TCF7L2: variants seen among roughly 807,000 people sequenced by gnomAD.
TCF7L2 encodes the protein transcription factor 7-like 2.
A neutral mutation model predicts 77.9 loss-of-function variants in TCF7L2; 23 were observed. The observed-to-expected ratio is 0.30, with a 90% CI of 0.21 to 0.42. The LOEUF is 0.42. Ranked by LOEUF, TCF7L2 falls within the 10% of genes least tolerant of loss-of-function variation. The pLI, the probability that TCF7L2 is intolerant of heterozygous loss-of-function variation, is 1.00. For missense variants in TCF7L2, 654 were observed against 793.1 expected (o/e 0.82, Z 2.11); for synonymous variants, 413 against 340.2 (o/e 1.21, Z -2.36).
At chr10:113,162,776 T>G (rs930302324) in intron 13 of TCF7L2, among the ~76,000 whole-genome samples, 25 of 152,254 alleles carry the variant, frequency 1.6e-4, no homozygotes, top group African/African-American at 5.8e-4. Context: ...ATTTCTGCTG[T>G]CTTTGAAGGA....
At position 113,108,200 on chromosome 10, in the gene TCF7L2, C is replaced by T. The variant is rs530334992; in HGVS notation, c.553-32984C>T. 5.3e-5 allele frequency among the ~76,000 whole-genome samples: 8 copies of T among 152,244 alleles called. No homozygotes were observed. The South Asian group carries it at 1.7e-3, about 32-fold the overall frequency. On this transcript the variant is annotated intron_variant, in intron 5 of 13. Transcript: ENST00000627217. Reference sequence around the variant, plus strand: ...CAGGAACCATGTTTGCACAGTGATCCTTAAACACAATGTGGACCCCCCCAC... The same window carrying T: ...CAGGAACCATGTTTGCACAGTGATCTTTAAACACAATGTGGACCCCCCCAC...
chr10:113,091,598 TC>T (rs1484866061), intron 5 of TCF7L2, among the ~76,000 whole-genome samples: 8 of 152,192 alleles, frequency 5.3e-5, no homozygotes, highest in African/African-American at 1.7e-4. Flanking sequence ...GTGCCCGTAC[TC>T]CCAGCTACTC....
In TCF7L2 at chr10:113,128,732, C is replaced by T. The variant is rs117482894; in HGVS notation, c.553-12452C>T. On this transcript the variant is annotated intron_variant, in intron 5 of 13. Transcript: ENST00000627217. The stretch of plus-strand genomic sequence containing the variant: ...CCTGCAACTTTTTCTGTCTGTAATC[C>T]CTCCATGAGCAGCCACCCTCCCACA... Among the ~76,000 whole-genome samples the T allele has an allele frequency of 5.9e-4, 90 of 152,106 alleles. No homozygotes were observed. The Middle Eastern group carries it at 0.01, about 17-fold the overall frequency.
In TCF7L2 at chr10:112,950,616, A is replaced by T; in HGVS notation, c.-141A>T. The T allele has an allele frequency of 3.6e-6, 2 of 555,378 alleles. No homozygotes were observed. The highest frequency in any genetic ancestry group is 5.0e-6 in the Non-Finnish European group (2 of 397,374). The allele number at this position is 555,378 out of a possible 1,614,324, so 34.4% of individuals were successfully genotyped here. A position where few individuals can be genotyped will look rare whatever the true frequency, so the allele number is the denominator to read the frequency against. ...CCCTCCCCAGGAGAAAAAGACCCCC[A>T]AGCAGAAAAAAGTTCACCTTGGACT... On this transcript the variant is annotated 5_prime_UTR_variant, in exon 1 of 14. Coordinates refer to ENST00000627217, the MANE Select transcript of TCF7L2 (RefSeq NM_001146274.2).
At chr10:113,083,213 C>T (rs2059482930) in intron 5 of TCF7L2, among the ~76,000 whole-genome samples, 1 of 150,910 alleles carries the variant, frequency 6.6e-6, no homozygotes, top group African/African-American at 2.4e-5. Context: ...GACCTGGACA[C>T]TTGCCATTCG....
At chr10:113,131,577 C>T (rs1385263966) in intron 5 of TCF7L2, among the ~76,000 whole-genome samples, 2 of 152,202 alleles carry the variant, frequency 1.3e-5, no homozygotes, top group African/African-American at 4.8e-5. Context: ...GAGTAAACCA[C>T]TATTCTTGAT....
intron 4 of TCF7L2, among the ~76,000 whole-genome samples, chr10:113,001,161 G>A (rs1461286305): frequency 2.0e-5 from 3 of 152,238 alleles, no homozygotes; most frequent in Non-Finnish European, 4.4e-5. Flanking sequence ...GTGACAGGCG[G>A]TTTGAGAACT....
At chr10:113,020,787 G>A (rs910960709) in intron 4 of TCF7L2, among the ~76,000 whole-genome samples, 4 of 152,120 alleles carry the variant, frequency 2.6e-5, no homozygotes, top group Non-Finnish European at 5.9e-5. Flanking sequence ...GGACAGAGGG[G>A]AGGGAACCAG....
intron 4 of TCF7L2, among the ~76,000 whole-genome samples, chr10:113,033,103 C>T (rs549531498): frequency 2.0e-5 from 3 of 151,972 alleles, no homozygotes; most frequent in Non-Finnish European, 2.9e-5. Context: ...TTTTTTTCCC[C>T]CAAGTCAACC....
intron 5 of TCF7L2, among the ~76,000 whole-genome samples, chr10:113,066,875 A>G (rs2057329600): frequency 6.6e-6 from 1 of 152,258 alleles, no homozygotes; most frequent in Non-Finnish European, 1.5e-5. Context: ...GCACACCATC[A>G]AAAACATGTC....
At chr10:113,014,789 A>AAAAC (rs752149749) in intron 4 of TCF7L2, among the ~76,000 whole-genome samples, 13 of 152,148 alleles carry the variant, frequency 8.5e-5, no homozygotes, top group South Asian at 2.1e-4. Context: ...TCATCTCACA[A>AAAAC]AAACAAACAA....
intron 5 of TCF7L2, among the ~76,000 whole-genome samples, chr10:113,088,943 A>G (rs2060101550): frequency 7.0e-6 from 1 of 143,126 alleles, no homozygotes; most frequent in Admixed American, 7.0e-5. Context: ...ATCTCTTAGA[A>G]AAAAAAAAAA....
At chr10:113,084,424 G>T (rs1185973586) in intron 5 of TCF7L2, among the ~76,000 whole-genome samples, 1 of 152,346 alleles carries the variant, frequency 6.6e-6, no homozygotes, top group East Asian at 1.9e-4. Flanking sequence ...CTGGTTTGGA[G>T]GAAGATCAGC....
chr10:113,147,046 T>G (rs944692858), intron 8 of TCF7L2, among the ~76,000 whole-genome samples: 1 of 152,232 alleles, frequency 6.6e-6, no homozygotes, highest in African/African-American at 2.4e-5. Flanking sequence ...TGACTGCTAG[T>G]TTATTTACAA....
chr10:113,120,543 A>T (rs879836960), intron 5 of TCF7L2, among the ~76,000 whole-genome samples: 14 of 152,178 alleles, frequency 9.2e-5, no homozygotes, highest in Non-Finnish European at 1.8e-4. Context: ...AGGAGGAAGG[A>T]CTATTCTTTG....
At position 113,073,129 on chromosome 10, in the gene TCF7L2, T is replaced by TGTGTGTGTGTGTGA. The variant is rs56927661; in HGVS notation, c.552+33004_552+33005insTGTGTGTGTGTGAG. Among the ~76,000 whole-genome samples the TGTGTGTGTGTGTGA allele has an allele frequency of 6.7e-3, 832 of 123,502 alleles. 11 individuals are homozygous for TGTGTGTGTGTGTGA. Among genetic ancestry groups the TGTGTGTGTGTGTGA allele is most frequent in the African/African-American group, 0.021 (691 of 32,672 alleles). 81.0% of individuals were successfully genotyped at this position (123,502 alleles called of 152,430 possible). The stretch of plus-strand genomic sequence containing the variant: ...GTGTGTGTGTGTGTGTGTGTGTGTG[T>TGTGTGTGTGTGTGA]GAGAGAGAGAGAGAGAGAGAGACAG... On this transcript the variant is annotated intron_variant, in intron 5 of 13. Coordinates refer to ENST00000627217, the MANE Select transcript of TCF7L2 (RefSeq NM_001146274.2).
intron 4 of TCF7L2, among the ~76,000 whole-genome samples, chr10:113,022,873 T>C (rs1179217836): frequency 3.9e-5 from 6 of 152,242 alleles, no homozygotes; most frequent in Non-Finnish European, 8.8e-5. Context: ...GGTCTGCTTT[T>C]ATATCCTCTT....
intron 5 of TCF7L2, among the ~76,000 whole-genome samples, chr10:113,120,932 A>C (rs2136282965): frequency 6.6e-6 from 1 of 152,314 alleles, no homozygotes; most frequent in East Asian, 1.9e-4. Flanking sequence ...ACTCTTCCAA[A>C]CTTGGATTTT....
chr10:113,044,146 G>C (rs1240127614), intron 5 of TCF7L2, among the ~76,000 whole-genome samples: 1 of 152,166 alleles, frequency 6.6e-6, no homozygotes, highest in African/African-American at 2.4e-5. Flanking sequence ...TGTGGGATAA[G>C]AAAGCAGACT....
Sources: allele counts gnomAD v4.1 joint callset (sites outside exome capture counted in the v4.1 genomes callset), GRCh38; gene constraint gnomAD v4.1.1; transcripts MANE v1.5; gene names NCBI Gene and HGNC (gene_info 2026-07-23, HGNC 2026-07-21).